The following LHFPL6 variants were observed in gnomAD, a reference collection of about 807,000 sequenced individuals.
LHFPL6 encodes the protein LHFPL tetraspan subfamily member 6, also known as LHFPL tetraspan subfamily member 6 protein.
In LHFPL6, 9 loss-of-function variants were observed where a neutral mutation model predicts 20.6. The observed-to-expected ratio is 0.44, with a 90% confidence interval of 0.26 to 0.76. The LOEUF (loss-of-function observed/expected upper bound fraction) is 0.76, where lower values mean the gene tolerates loss of function less well. LHFPL6 is among the 30% of genes least tolerant of loss of function. The probability of loss-of-function intolerance (pLI) is 0.20; values close to 1 mark genes in which losing one functional copy is unlikely to be tolerated. For missense variants in LHFPL6, 218 were observed against 253.5 expected (o/e 0.86, Z 0.95); for synonymous variants, 105 against 98.7 (o/e 1.06, Z -0.38).
chr13:39,432,008 G>A (rs1279437761), intron 2 of LHFPL6, among the ~76,000 whole-genome samples: 1 of 151,990 alleles, frequency 6.6e-6, no homozygotes, highest in Non-Finnish European at 1.5e-5. Context: ...AATTAAGGGG[G>A]CTCCACCTTC....
chr13:39,584,090 A>C (rs943136688), intron 2 of LHFPL6, among the ~76,000 whole-genome samples: 3 of 151,918 alleles, frequency 2.0e-5, no homozygotes, highest in Non-Finnish European at 4.4e-5. Context: ...CTGTAATTTT[A>C]CTTTCATTTT....
At chr13:39,468,402 T>C (rs1205914741) in intron 2 of LHFPL6, among the ~76,000 whole-genome samples, 1 of 152,100 alleles carries the variant, frequency 6.6e-6, no homozygotes, top group African/African-American at 2.4e-5. Flanking sequence ...AAGCTGGGTG[T>C]GGGCAGCAGG....
chr13:39,465,835 G>A (rs1273758125), intron 2 of LHFPL6, among the ~76,000 whole-genome samples: 1 of 152,060 alleles, frequency 6.6e-6, no homozygotes, highest in Non-Finnish European at 1.5e-5. Flanking sequence ...GTGAGAGAGA[G>A]TTCCTTTCAC....
chr13:39,391,588 A>T (rs1870709760), intron 2 of LHFPL6, among the ~76,000 whole-genome samples: 1 of 152,210 alleles, frequency 6.6e-6, no homozygotes, highest in South Asian at 2.1e-4. Flanking sequence ...TAAGCCATTT[A>T]TAACAGATTT....
intron 2 of LHFPL6, among the ~76,000 whole-genome samples, chr13:39,423,056 C>A (rs1871539901): frequency 6.6e-6 from 1 of 152,164 alleles, no homozygotes; most frequent in African/African-American, 2.4e-5. Flanking sequence ...TAGCTCCAAC[C>A]AGGTGCCTCC....
intron 2 of LHFPL6, among the ~76,000 whole-genome samples, chr13:39,410,675 T>A (rs1871223824): frequency 6.6e-6 from 1 of 152,180 alleles, no homozygotes; most frequent in Non-Finnish European, 1.5e-5. Context: ...GAAATGCAGC[T>A]CCTTATTGCA....
chr13:39,574,947 G>A (rs922430019), intron 2 of LHFPL6, among the ~76,000 whole-genome samples: 1 of 151,976 alleles, frequency 6.6e-6, no homozygotes, highest in Admixed American at 6.6e-5. Flanking sequence ...GGTGCACGCC[G>A]GTAATCCCAG....
intron 2 of LHFPL6, among the ~76,000 whole-genome samples, chr13:39,386,682 T>C (rs1870571108): frequency 6.6e-6 from 1 of 152,202 alleles, no homozygotes; most frequent in Admixed American, 6.5e-5. Context: ...CCAGATTTCT[T>C]GTATCTCTTG....
chr13:39,469,989 C>T (rs534920605), intron 2 of LHFPL6, among the ~76,000 whole-genome samples: 3 of 152,014 alleles, frequency 2.0e-5, no homozygotes, highest in African/African-American at 7.3e-5. Flanking sequence ...TCGGAAAAGA[C>T]GAAGATGTGA....
chr13:39,479,118 C>CGTCT (rs1566120837), intron 2 of LHFPL6, among the ~76,000 whole-genome samples: 1 of 121,642 alleles, frequency 8.2e-6, no homozygotes, highest in Non-Finnish European at 1.9e-5. Context: ...TCTATCCATC[C>CGTCT]ATCTATCTAT....
rs576815890 is a variant in LHFPL6, at chr13:39,432,282, G to A, written c.386-53756C>T. ...CATCCAATACAGTCTTTTTAAACCAGTGGCAAGAGTGATTCTATTAAAACA... is the reference window on the plus strand; with the variant it reads ...CATCCAATACAGTCTTTTTAAACCAATGGCAAGAGTGATTCTATTAAAACA... On this transcript the variant is annotated intron_variant, in intron 2 of 3. Transcript: ENST00000379589. 3.9e-5 allele frequency among the ~76,000 whole-genome samples: 6 copies of A among 152,322 alleles called. No individual in the cohort carries two copies. In the South Asian group the frequency reaches 1.2e-3, roughly 32 times the overall value.
At chr13:39,435,581 G>A (rs1038404898) in intron 2 of LHFPL6, among the ~76,000 whole-genome samples, 9 of 152,120 alleles carry the variant, frequency 5.9e-5, no homozygotes, top group Non-Finnish European at 1.0e-4. Flanking sequence ...AGAATTATGC[G>A]TGAGTAAATT....
intron 2 of LHFPL6, among the ~76,000 whole-genome samples, chr13:39,509,472 TGCTGAAGTTGGTTTAAGGTATGC>T (rs1184574679): frequency 6.6e-6 from 1 of 152,190 alleles, no homozygotes; most frequent in Non-Finnish European, 1.5e-5. Context: ...TTAAGGTATG[TGCTGAAGTTGGTTTAAGGTATGC>T]GCTGAAGTTT....
At chr13:39,351,841 T>C (rs941912513) in intron 3 of LHFPL6, among the ~76,000 whole-genome samples, 3 of 152,254 alleles carry the variant, frequency 2.0e-5, no homozygotes, top group Non-Finnish European at 2.9e-5. Context: ...CAGTTGTTTC[T>C]GTACCTCACT....
chr13:39,353,444 C>T (rs1010937444), intron 3 of LHFPL6, among the ~76,000 whole-genome samples: 14 of 151,828 alleles, frequency 9.2e-5, no homozygotes, highest in Admixed American at 4.6e-4. Flanking sequence ...AGCTACTTTG[C>T]GGCCGGGCGC....
chr13:39,531,789 T>C (rs1307117389), intron 2 of LHFPL6, among the ~76,000 whole-genome samples: 1 of 152,110 alleles, frequency 6.6e-6, no homozygotes, highest in Non-Finnish European at 1.5e-5. Context: ...AATATCATAT[T>C]ACAGAACATA....
chr13:39,518,384 G>T (rs1041536192), intron 2 of LHFPL6, among the ~76,000 whole-genome samples: 9 of 152,228 alleles, frequency 5.9e-5, no homozygotes, highest in Non-Finnish European at 1.3e-4. Flanking sequence ...TCCCCAGTTA[G>T]ATGTGTTTCA....
At chr13:39,592,560 C>G (rs898461041) in intron 2 of LHFPL6, among the ~76,000 whole-genome samples, 4 of 152,178 alleles carry the variant, frequency 2.6e-5, no homozygotes, top group African/African-American at 9.7e-5. Context: ...GGAGCTGGTA[C>G]CATTCCTTCT....
At chr13:39,498,571 T>C (rs1466607402) in intron 2 of LHFPL6, among the ~76,000 whole-genome samples, 4 of 152,220 alleles carry the variant, frequency 2.6e-5, no homozygotes, top group African/African-American at 7.2e-5. Flanking sequence ...GTCTGAATAA[T>C]TCAAGTATGC....
Sources: gnomAD v4.1 joint callset for allele counts (sites outside exome capture counted in the v4.1 genomes callset) on GRCh38, gnomAD v4.1.1 for gene constraint, MANE v1.5 for transcripts, NCBI Gene and HGNC (gene_info 2026-07-23, HGNC 2026-07-21) for gene names.